FHIT: variants seen among roughly 807,000 people sequenced by gnomAD.
The protein encoded by FHIT is fragile histidine triad diadenosine triphosphatase.
A neutral mutation model predicts 17.9 loss-of-function variants in FHIT; 19 were observed. The observed-to-expected ratio is 1.06, with a 90% CI of 0.74 to 1.56. FHIT has a LOEUF of 1.56. Among genes scored for constraint, FHIT ranks in the 40% most tolerant of loss-of-function variants. The probability of loss-of-function intolerance (pLI) is 0.00; values close to 1 mark genes in which losing one functional copy is unlikely to be tolerated. For missense variants in FHIT, 248 were observed against 189.2 expected (o/e 1.31, Z -1.82); for synonymous variants, 81 against 69.7 (o/e 1.16, Z -0.81).
chr3:59,931,866 C>T (rs1033970466), intron 7 of FHIT, among the ~76,000 whole-genome samples: 11 of 151,880 alleles, frequency 7.2e-5, no homozygotes, highest in Non-Finnish European at 1.6e-4. Context: ...ATCTAAGCAC[C>T]ATGGCTTTGA....
chr3:61,043,225 G>A (rs1234026794), intron 2 of FHIT, among the ~76,000 whole-genome samples: 1 of 152,134 alleles, frequency 6.6e-6, no homozygotes, highest in African/African-American at 2.4e-5. Flanking sequence ...GTGACAAATG[G>A]TACCTGGAAA....
chr3:60,532,928 G>C (rs555611669), intron 5 of FHIT, among the ~76,000 whole-genome samples: 1 of 152,014 alleles, frequency 6.6e-6, no homozygotes, highest in African/African-American at 2.4e-5. Flanking sequence ...CTCATGAATG[G>C]CACACTCCCC....
chr3:60,270,462 A>G lies in FHIT; in HGVS notation c.104-256310T>C, dbSNP rs555571211. Reference sequence around the variant, plus strand: ...TTGCCTCAATAACCTTACCTGCAATATGGGAAGAGGAAAGCAGTTTCCTTT... The same window carrying G: ...TTGCCTCAATAACCTTACCTGCAATGTGGGAAGAGGAAAGCAGTTTCCTTT... On this transcript the variant is annotated intron_variant, in intron 5 of 9. Transcript: ENST00000492590. Among the ~76,000 whole-genome samples, 3 of 152,338 alleles carry G rather than the reference A, an allele frequency of 2.0e-5. No homozygotes were observed. The East Asian group carries it at 5.8e-4, about 29-fold the overall frequency.
chr3:60,776,456 T>C (rs1553724487), intron 4 of FHIT, among the ~76,000 whole-genome samples: 1 of 152,192 alleles, frequency 6.6e-6, no homozygotes, highest in Non-Finnish European at 1.5e-5. Flanking sequence ...TTAAAAACTA[T>C]TGGTCAAATG....
intron 5 of FHIT, among the ~76,000 whole-genome samples, chr3:60,512,059 AT>A (rs2034969912): frequency 6.6e-6 from 1 of 152,196 alleles, no homozygotes; most frequent in South Asian, 2.1e-4. Flanking sequence ...AACGACAAAA[AT>A]AGAAAGCTAA....
chr3:60,682,002 C>A (rs1553697034), intron 4 of FHIT, among the ~76,000 whole-genome samples: 1 of 149,620 alleles, frequency 6.7e-6, no homozygotes, highest in Non-Finnish European at 1.5e-5. Flanking sequence ...AACATAGTCT[C>A]ACTCTGTCAC....
chr3:61,152,816 C>T (rs1244183133), intron 2 of FHIT, among the ~76,000 whole-genome samples: 2 of 152,102 alleles, frequency 1.3e-5, no homozygotes, highest in South Asian at 2.1e-4. Flanking sequence ...TGTGGGTAGA[C>T]GAGTTAGCCA....
intron 4 of FHIT, among the ~76,000 whole-genome samples, chr3:60,566,314 C>A (rs539286897): frequency 2.6e-5 from 4 of 152,154 alleles, no homozygotes; most frequent in Admixed American, 2.0e-4. Context: ...ATACGCAAAT[C>A]AATAAACGTA....
chr3:60,536,095 A>G (rs984785625), intron 5 of FHIT: 25 of 152,206 alleles, frequency 1.6e-4, no homozygotes, highest in Admixed American at 3.9e-4. Context: ...AAGAGTCCGT[A>G]CAAAATTCAT....
At chr3:60,726,746 G>GA (rs1460272366) in intron 4 of FHIT, among the ~76,000 whole-genome samples, 1 of 152,124 alleles carries the variant, frequency 6.6e-6, no homozygotes, top group African/African-American at 2.4e-5. Flanking sequence ...GGCATATGAA[G>GA]TAAGTACTAT....
At chr3:60,134,285 G>A (rs1439778959) in intron 5 of FHIT, among the ~76,000 whole-genome samples, 1 of 152,064 alleles carries the variant, frequency 6.6e-6, no homozygotes, top group East Asian at 1.9e-4. Context: ...AACATTTTAT[G>A]GTCTGTAACA....
chr3:60,935,862 C>T lies in FHIT; in HGVS notation c.-111+106185G>A, dbSNP rs1433217430. Among the ~76,000 whole-genome samples, 5 of 152,206 alleles carry T rather than the reference C, an allele frequency of 3.3e-5. No individual in the cohort carries two copies. In the East Asian group the frequency reaches 9.6e-4, roughly 29 times the overall value. On this transcript the variant is annotated intron_variant, in intron 3 of 9. Coordinates refer to ENST00000492590, the MANE Select transcript of FHIT (RefSeq NM_002012.4). The stretch of plus-strand genomic sequence containing the variant: ...TTCTCCTTCTCTTCGCACATGGACA[C>T]ACTTCTGCTTTATGCACTGCCCTGA...
At chr3:60,621,871 C>CAA (rs10596787) in intron 4 of FHIT, among the ~76,000 whole-genome samples, 1 of 137,148 alleles carries the variant, frequency 7.3e-6, no homozygotes, top group African/African-American at 2.7e-5. Flanking sequence ...AGACACTCTC[C>CAA]AAAAAAAAAA....
intron 5 of FHIT, among the ~76,000 whole-genome samples, chr3:60,015,662 G>C (rs556735102): frequency 1.3e-5 from 2 of 152,132 alleles, no homozygotes; most frequent in Non-Finnish European, 2.9e-5. Flanking sequence ...ACCACAGCAA[G>C]GGTGACAACC....
At chr3:60,069,804 C>G (rs544511047) in intron 5 of FHIT, among the ~76,000 whole-genome samples, 1 of 152,170 alleles carries the variant, frequency 6.6e-6, no homozygotes, top group Non-Finnish European at 1.5e-5. Context: ...ACTTTCCATC[C>G]TTAGAGGGGT....
At chr3:60,519,252 T>C (rs1205302096) in intron 5 of FHIT, among the ~76,000 whole-genome samples, 1 of 152,196 alleles carries the variant, frequency 6.6e-6, no homozygotes, top group Non-Finnish European at 1.5e-5. Context: ...GGTTTAAAAA[T>C]GGGTTACACT....
intron 5 of FHIT, among the ~76,000 whole-genome samples, chr3:60,233,372 TTCAGA>T (rs1197683375): frequency 6.6e-6 from 1 of 152,044 alleles, no homozygotes; most frequent in Admixed American, 6.5e-5. Context: ...CCATAGGACC[TTCAGA>T]CAGGCTCTTT....
intron 5 of FHIT, among the ~76,000 whole-genome samples, chr3:60,375,829 G>A (rs1176726996): frequency 6.6e-6 from 1 of 152,100 alleles, no homozygotes; most frequent in Non-Finnish European, 1.5e-5. Context: ...TAGATGCAAT[G>A]CTGTCAAACA....
intron 3 of FHIT, among the ~76,000 whole-genome samples, chr3:60,948,015 T>C (rs1403670263): frequency 6.6e-6 from 1 of 152,146 alleles, no homozygotes; most frequent in Non-Finnish European, 1.5e-5. Context: ...CTAAAATATA[T>C]AATTAAGATA....
Sources: gnomAD v4.1 joint callset for allele counts (sites outside exome capture counted in the v4.1 genomes callset) on GRCh38, gnomAD v4.1.1 for gene constraint, MANE v1.5 for transcripts, NCBI Gene and HGNC (gene_info 2026-07-23, HGNC 2026-07-21) for gene names.